KCNH1: variants seen among roughly 807,000 people sequenced by gnomAD.
KCNH1 encodes voltage-gated delayed rectifier potassium channel KCNH1.
A neutral mutation model predicts 69.2 loss-of-function variants in KCNH1; 27 were observed. That is an observed-to-expected ratio of 0.39 (90% CI 0.29 to 0.54). The LOEUF is 0.54. Ranked by LOEUF, KCNH1 falls within the 20% of genes least tolerant of loss-of-function variation. The pLI, the probability that KCNH1 is intolerant of heterozygous loss-of-function variation, is 0.68. For synonymous variants in KCNH1, 456 were observed against 487.7 expected (o/e 0.93, Z 0.86); for missense variants, 798 against 1,261.6 (o/e 0.63, Z 5.57).
rs528940068 is a variant in KCNH1 at position 210,759,343 on chromosome 1, A to G, written c.2112+16005T>C. On this transcript the variant is annotated intron_variant, in intron 10 of 10. Transcript: ENST00000271751. Reference sequence around the variant, plus strand: ...GAATGAAATGTCTGGAATGACAAACATAGAATTCAGAATATGGATGGCAAA... The same window carrying G: ...GAATGAAATGTCTGGAATGACAAACGTAGAATTCAGAATATGGATGGCAAA... 1.3e-3 allele frequency among the ~76,000 whole-genome samples: 192 copies of G among 152,274 alleles called. 1 individual carries two copies. The highest frequency in any genetic ancestry group is 4.5e-3 in the African/African-American group (186 of 41,568).
intron 6 of KCNH1, among the ~76,000 whole-genome samples, chr1:211,015,675 C>T (rs1689478983): frequency 6.6e-6 from 1 of 152,208 alleles, no homozygotes; most frequent in South Asian, 2.1e-4. Context: ...TAATCCACCA[C>T]CCAAATGCTA....
intron 1 of KCNH1, among the ~76,000 whole-genome samples, chr1:211,125,590 T>A (rs1691762712): frequency 6.6e-6 from 1 of 152,230 alleles, no homozygotes; most frequent in African/African-American, 2.4e-5. Flanking sequence ...AAGCCATAGA[T>A]AATTATCAGT....
At position 210,862,066 on chromosome 1, in the gene KCNH1, G is replaced by A. The variant is rs897140636; in HGVS notation, c.1462+57574C>T. On this transcript the variant is annotated intron_variant, in intron 7 of 10. Coordinates refer to ENST00000271751, the MANE Select transcript of KCNH1 (RefSeq NM_172362.3). ...AGTATAAGGGGATATATACTTTTGTGCTGTTTCTTGACCAGGCCAATACTG... is the reference window on the plus strand; with the variant it reads ...AGTATAAGGGGATATATACTTTTGTACTGTTTCTTGACCAGGCCAATACTG... 3 of 815,838 alleles carry A rather than the reference G, an allele frequency of 3.7e-6. No homozygotes were observed. In the Admixed American group the frequency reaches 5.1e-5, roughly 14 times the overall value. 50.5% of individuals were successfully genotyped at this position (815,838 alleles called of 1,614,324 possible). A position where few individuals can be genotyped will look rare whatever the true frequency, so the allele number is the denominator to read the frequency against.
intron 10 of KCNH1, among the ~76,000 whole-genome samples, chr1:210,711,632 G>A (rs547393848): frequency 2.6e-4 from 40 of 152,288 alleles, no homozygotes; most frequent in Admixed American, 3.9e-4. Context: ...CCTTCACCTT[G>A]GTTTGGGTGT....
At position 210,799,386 on chromosome 1, in the gene KCNH1, CA is replaced by C. The variant is rs570047413; in HGVS notation, c.1663-1627del. On this transcript the variant is annotated intron_variant, in intron 8 of 10. Coordinates refer to ENST00000271751, the MANE Select transcript of KCNH1 (RefSeq NM_172362.3). ...ATTCCTATACTAGGCAGCTGCCCCA[CA>C]AAAAAGGCTTGTAATTTTATTATCA... Among the ~76,000 whole-genome samples, 592 of 152,104 alleles carry C rather than the reference CA, an allele frequency of 3.9e-3. 4 individuals are homozygous for C. The highest frequency in any genetic ancestry group is 0.014 in the African/African-American group (566 of 41,506).
At chr1:210,966,238 A>T (rs1688397600) in intron 6 of KCNH1, among the ~76,000 whole-genome samples, 5 of 152,224 alleles carry the variant, frequency 3.3e-5, no homozygotes, top group Admixed American at 3.3e-4. Context: ...TTAACTCGAG[A>T]TGGATTAAAG....
At chr1:210,699,764 T>C (rs1681729225) in intron 10 of KCNH1, among the ~76,000 whole-genome samples, 1 of 152,226 alleles carries the variant, frequency 6.6e-6, no homozygotes, top group Non-Finnish European at 1.5e-5. Context: ...TAATAAAAAG[T>C]TAACCTAACC....
chr1:210,866,167 G>A (rs925268055), intron 7 of KCNH1, among the ~76,000 whole-genome samples: 1 of 152,146 alleles, frequency 6.6e-6, no homozygotes, highest in African/African-American at 2.4e-5. Context: ...AAAACTCTTA[G>A]ATGAAAATAT....
chr1:211,055,146 A>C (rs1690281714), intron 5 of KCNH1, among the ~76,000 whole-genome samples: 1 of 152,186 alleles, frequency 6.6e-6, no homozygotes, highest in South Asian at 2.1e-4. Flanking sequence ...AACGTCATAT[A>C]AAAAGGCACT....
intron 1 of KCNH1, among the ~76,000 whole-genome samples, chr1:211,127,958 G>A (rs1461870564): frequency 6.6e-6 from 1 of 152,154 alleles, no homozygotes; most frequent in South Asian, 2.1e-4. Context: ...GACACAATGT[G>A]TGGTACAGTC....
chr1:210,998,550 C>T (rs1043714319), intron 6 of KCNH1, among the ~76,000 whole-genome samples: 4 of 152,178 alleles, frequency 2.6e-5, no homozygotes, highest in African/African-American at 9.7e-5. Context: ...TAGACTCCCA[C>T]ACGATAATAG....
chr1:210,892,497 C>T (rs1166749998), intron 7 of KCNH1, among the ~76,000 whole-genome samples: 4 of 152,154 alleles, frequency 2.6e-5, no homozygotes, highest in East Asian at 1.9e-4. Flanking sequence ...ACAGCTCCCC[C>T]ACACATGCCT....
chr1:210,686,224 T>C lies in KCNH1; in HGVS notation c.2113-2086A>G, dbSNP rs114856808. On this transcript the variant is annotated intron_variant, in intron 10 of 10. Coordinates refer to ENST00000271751, the MANE Select transcript of KCNH1 (RefSeq NM_172362.3). ...GGGGATGGGAAAGTGATAAGTAGAG[T>C]GATTGGGACCCTTTTCACTCTGTGC... 7.7e-3 allele frequency among the ~76,000 whole-genome samples: 1,165 copies of C among 152,136 alleles called. 18 individuals are homozygous for C. The highest frequency in any genetic ancestry group is 0.027 in the African/African-American group (1,117 of 41,496).
chr1:210,975,884 G>C (rs4301681), intron 6 of KCNH1, among the ~76,000 whole-genome samples: 73,202 of 151,956 alleles, frequency 0.48, 18,540 homozygotes, highest in African/African-American at 0.64. Flanking sequence ...AATCTACAAA[G>C]AACTCAAACA....
chr1:211,128,026 C>T (rs959651256), intron 1 of KCNH1, among the ~76,000 whole-genome samples: 5 of 152,128 alleles, frequency 3.3e-5, no homozygotes, highest in Non-Finnish European at 4.4e-5. Flanking sequence ...CGTGGTGGCT[C>T]GTGCCTGTAA....
chr1:210,740,704 ATTTTTTTTT>A lies in KCNH1; in HGVS notation c.2112+34635_2112+34643del, dbSNP rs199727493. ...GTCTCTGATTAAATTTTATGATTAA[ATTTTTTTTT>A]TTTTTTTTTTTTTTTTTTTACTAAA... On this transcript the variant is annotated intron_variant, in intron 10 of 10. Coordinates refer to ENST00000271751, the MANE Select transcript of KCNH1 (RefSeq NM_172362.3). Among the ~76,000 whole-genome samples the A allele has an allele frequency of 6.7e-3, 783 of 117,256 alleles. 8 individuals carry two copies. Among genetic ancestry groups the A allele is most frequent in the African/African-American group, 0.024 (712 of 29,592 alleles). The allele number at this position is 117,256 out of a possible 152,430, so 76.9% of individuals were successfully genotyped here.
chr1:211,051,740 A>G (rs993075175), intron 5 of KCNH1, among the ~76,000 whole-genome samples: 2 of 152,236 alleles, frequency 1.3e-5, no homozygotes, highest in Non-Finnish European at 2.9e-5. Flanking sequence ...AGGATTTTTA[A>G]GGAGTAATAA....
At chr1:210,730,781 G>A (rs1682730365) in intron 10 of KCNH1, among the ~76,000 whole-genome samples, 1 of 152,128 alleles carries the variant, frequency 6.6e-6, no homozygotes, top group South Asian at 2.1e-4. Flanking sequence ...CAGTGTTTTT[G>A]CTTTGTTCTT....
intron 6 of KCNH1, among the ~76,000 whole-genome samples, chr1:211,002,853 G>A (rs958356865): frequency 2.0e-5 from 3 of 152,126 alleles, no homozygotes; most frequent in Non-Finnish European, 4.4e-5. Flanking sequence ...CAACCGGGGT[G>A]TCCTTGGAAT....
Sources: gnomAD v4.1 joint callset for allele counts (sites outside exome capture counted in the v4.1 genomes callset) on GRCh38, gnomAD v4.1.1 for gene constraint, MANE v1.5 for transcripts, NCBI Gene and HGNC (gene_info 2026-07-23, HGNC 2026-07-21) for gene names.